The following MYO15B variants were observed in gnomAD, a reference collection of about 807,000 sequenced individuals.
MYO15B encodes myosin XVB pseudogene.
MYO15B carries 207 observed loss-of-function variants against 119.3 expected under a neutral mutation model. The observed-to-expected ratio is 1.73, with a 90% CI of 1.55 to 1.95. MYO15B has a LOEUF of 1.95. Ranked by LOEUF, MYO15B falls within the 30% of genes most tolerant of loss-of-function variation. The pLI is 0.00. For synonymous variants in MYO15B, 966 were observed against 498.9 expected, an observed-to-expected ratio of 1.94 and a Z score of -12.48; for missense variants, 2,264 against 1,203.1, an observed-to-expected ratio of 1.88 and a Z score of -13.04.
intron 38 of MYO15B, 37 bp from the exon 39 acceptor site, chr17:75,616,487 T>C: frequency 1.5e-6 from 1 of 680,580 alleles, no homozygotes; most frequent in Non-Finnish European, 2.7e-6. Context: ...CCGGTGGCTC[T>C]GCACGCGGTT....
Position 75,609,694 on chromosome 17 carries a change from T to TCCTC in MYO15B, c.4293-448_4293-445dup, listed in dbSNP as rs562510794. On this transcript the variant is annotated intron_variant, in intron 21 of 63. Transcript: ENST00000645453. ...TCTTTCCTTCCTTCCCTTCCTTCCT[T>TCCTC]CCTCCCTCCCTCCCTCCCTCCCTCC... Among the ~76,000 whole-genome samples, 1,312 of 142,386 alleles carry TCCTC rather than the reference T, an allele frequency of 9.2e-3. 16 individuals are homozygous for TCCTC. Among genetic ancestry groups the TCCTC allele is most frequent in the African/African-American group, 0.033 (1,146 of 34,918 alleles). The allele number at this position is 142,386 out of a possible 152,430, so 93.4% of individuals were successfully genotyped here.
At chr17:75,625,396 A>G (rs1451479846) in intron 60 of MYO15B, 131 bp from the exon 61 acceptor site, 10 of 652,780 alleles carry the variant, frequency 1.5e-5, no homozygotes, top group Non-Finnish European at 2.8e-5. Context: ...CTGGTGCAGG[A>G]CCCTCACCTC....
At position 75,623,093 on chromosome 17, in the gene MYO15B, A is replaced by G. The variant is rs1376433352; in HGVS notation, c.8083-688A>G. Among the ~76,000 whole-genome samples the G allele has an allele frequency of 2.0e-5, 3 of 152,258 alleles. 1 individual carries two copies. The East Asian group carries it at 5.8e-4, about 29-fold the overall frequency. Reference sequence around the variant, plus strand: ...CCGCCTGTAACCCCAGCACTTTGGGAGGCCGAGGCAGGTGGATCACCTGAG... The same window carrying G: ...CCGCCTGTAACCCCAGCACTTTGGGGGGCCGAGGCAGGTGGATCACCTGAG... On this transcript the variant is annotated intron_variant, in intron 53 of 63. Transcript: ENST00000645453.
chr17:75,596,043 A>C (rs1392566569), intron 12 of MYO15B, among the ~76,000 whole-genome samples: 1 of 152,224 alleles, frequency 6.6e-6, no homozygotes, highest in Non-Finnish European at 1.5e-5. Flanking sequence ...ACAAAGCTGC[A>C]TGAAGCTTCC....
chr17:75,622,405 A>G (rs916864674), intron 53 of MYO15B, among the ~76,000 whole-genome samples: 7 of 152,188 alleles, frequency 4.6e-5, no homozygotes, highest in Admixed American at 1.3e-4. Flanking sequence ...AAGGGCAGGC[A>G]ACAGTTCAGA....
At chr17:75,621,322 C>G in intron 50 of MYO15B, 23 bp from the exon 51 acceptor site, 2 of 690,864 alleles carry the variant, frequency 2.9e-6, no homozygotes, top group East Asian at 5.4e-5. Flanking sequence ...ACAAGCTGGG[C>G]TGTCTCCCTC....
At chr17:75,625,723 T>C in intron 61 of MYO15B, 63 bp downstream of exon 61, 4 of 701,334 alleles carry the variant, frequency 5.7e-6, no homozygotes, top group Non-Finnish European at 1.0e-5. Context: ...GGAATGCAGG[T>C]AGAGGGGCGA....
chr17:75,614,767 C>T lies in MYO15B; in HGVS notation c.5483-6C>T. On this transcript the variant is annotated splice_region_variant and splice_polypyrimidine_tract_variant and intron_variant, in intron 31 of 63. Transcript: ENST00000645453. ...CCATGGCTCCAACCCTCTCCCTGCC[C>T]CACAGGGGAGGTCCAGAGGTCAGGG... 4 of 702,830 alleles carry T rather than the reference C, an allele frequency of 5.7e-6. No individual in the cohort carries two copies. The highest frequency in any genetic ancestry group is 1.0e-5 in the Non-Finnish European group (4 of 385,010). 43.5% of individuals were successfully genotyped at this position (702,830 alleles called of 1,614,324 possible).
rs62089251 is a variant in MYO15B at position 75,602,823 on chromosome 17, C to A, written c.3730-7C>A. 2 of 618,152 alleles carry A rather than the reference C, an allele frequency of 3.2e-6. No homozygotes were observed. Among genetic ancestry groups the A allele is most frequent in the South Asian group, 1.9e-5 (1 of 53,286 alleles). The allele number at this position is 618,152 out of a possible 1,614,324, so 38.3% of individuals were successfully genotyped here. A position where few individuals can be genotyped will look rare whatever the true frequency, so the allele number is the denominator to read the frequency against. ...CGGCCAGCTGACTCAGCCCTTCACC[C>A]CCACAGCTGGTGGGCAGCCTGTTCC... On this transcript the variant is annotated splice_region_variant and splice_polypyrimidine_tract_variant and intron_variant, in intron 16 of 63. Transcript: ENST00000645453.
chr17:75,612,894 G>C lies in MYO15B; in HGVS notation c.4731+1G>C. 1 of 701,816 alleles carries C rather than the reference G, an allele frequency of 1.4e-6. No homozygotes were observed. The highest frequency in any genetic ancestry group is 2.6e-6 in the Non-Finnish European group (1 of 384,284). 43.5% of individuals were successfully genotyped at this position (701,816 alleles called of 1,614,324 possible). On this transcript the variant is annotated splice_donor_variant, in intron 26 of 63. Transcript: ENST00000645453. LOFTEE classifies it high-confidence loss of function. ...GCGTGCCCTGGACATCAACAAAGTG[G>C]TGAGTGACACATTGGAGAAGGGACA...
chr17:75,615,554 T>TG lies in MYO15B; in HGVS notation c.5794dup (p.Ala1932GlyfsTer70), dbSNP rs2058317012. ...CTTCCCAGCCTGGATGCAGGGCAGC[T>TG]GGCCGTCCAGCAGCAGAACTTTATC... On this transcript the variant is annotated frameshift_variant, in exon 35 of 64. Coordinates refer to ENST00000645453, the Ensembl canonical transcript of MYO15B. LOFTEE classifies it high-confidence loss of function. The TG allele has an allele frequency of 2.9e-6, 2 of 701,430 alleles. No individual in the cohort carries two copies. Among genetic ancestry groups the TG allele is most frequent in the Non-Finnish European group, 5.2e-6 (2 of 384,420 alleles). 43.5% of individuals were successfully genotyped at this position (701,430 alleles called of 1,614,324 possible).
exon 49 of MYO15B, chr17:75,620,584 G>A: frequency 1.4e-6 from 1 of 702,878 alleles, no homozygotes. Flanking sequence ...TGGCACAAGG[G>A]TCAGCTGTCC....
chr17:75,610,074 T>C, intron 21 of MYO15B, 92 bp from the exon 22 acceptor site: 1 of 558,184 alleles, frequency 1.8e-6, no homozygotes, highest in East Asian at 3.0e-5. Flanking sequence ...AGTCAGTTTT[T>C]ACATGAATGT....
exon 32 of MYO15B, chr17:75,614,837 C>G (rs1302526526): frequency 2.8e-6 from 2 of 702,862 alleles, no homozygotes; most frequent in Non-Finnish European, 5.2e-6. Flanking sequence ...CAGTGATATC[C>G]TCCGGCCTCA....
At chr17:75,609,324 G>A (rs918766766) in intron 21 of MYO15B, among the ~76,000 whole-genome samples, 3 of 150,876 alleles carry the variant, frequency 2.0e-5, no homozygotes, top group African/African-American at 7.3e-5. Context: ...AGGACACGCC[G>A]TCATGCCTGG....
intron 19 of MYO15B, 147 bp downstream of exon 19, chr17:75,603,459 A>G (rs1216755018): frequency 1.6e-6 from 1 of 607,498 alleles, no homozygotes; most frequent in East Asian, 2.7e-5. Flanking sequence ...TCGTCCTCTC[A>G]TCCTCTCTCT....
At position 75,624,890 on chromosome 17, in the gene MYO15B, AC is replaced by A. The variant is rs565251228; in HGVS notation, c.8664del (p.Tyr2889ThrfsTer51). Reference sequence around the variant, plus strand: ...GACCCCACTGCACTTCGATAACTCCACCTACATCAGCACCCACTACAGCCAG... The same window carrying A: ...GACCCCACTGCACTTCGATAACTCCACTACATCAGCACCCACTACAGCCAG... On this transcript the variant is annotated frameshift_variant, in exon 59 of 64. Transcript: ENST00000645453. LOFTEE classifies it high-confidence loss of function. 2,431 of 702,876 alleles carry A rather than the reference AC, an allele frequency of 3.5e-3. 13 individuals carry two copies. Among genetic ancestry groups the A allele is most frequent in the South Asian group, 0.013 (850 of 67,594 alleles). The allele number at this position is 702,876 out of a possible 1,614,324, so 43.5% of individuals were successfully genotyped here.
intron 49 of MYO15B, 109 bp downstream of exon 49, chr17:75,620,745 T>C: frequency 1.4e-6 from 1 of 697,178 alleles, no homozygotes; most frequent in South Asian, 1.5e-5. Context: ...CACCCTGCTG[T>C]CCGTCTCCTG....
intron 14 of MYO15B, among the ~76,000 whole-genome samples, chr17:75,600,226 A>G (rs1348913422): frequency 6.6e-6 from 1 of 151,692 alleles, no homozygotes; most frequent in East Asian, 2.0e-4. Context: ...ACGGGGTTTC[A>G]CCATGTTAGC....
Sources: allele counts gnomAD v4.1 joint callset (sites outside exome capture counted in the v4.1 genomes callset), GRCh38; gene constraint gnomAD v4.1.1; transcripts MANE v1.5; gene names NCBI Gene and HGNC (gene_info 2026-07-23, HGNC 2026-07-21).